RELN: variants seen among roughly 807,000 people sequenced by gnomAD.
The protein encoded by RELN is reelin.
In RELN, 108 loss-of-function variants were observed where a neutral mutation model predicts 427.6. The observed-to-expected ratio is 0.25, with a 90% CI of 0.22 to 0.30. The LOEUF (loss-of-function observed/expected upper bound fraction) is 0.30. Among genes scored for constraint, RELN ranks in the 10% least tolerant of loss-of-function variants. RELN has a pLI of 1.00. For synonymous variants in RELN, 1,524 were observed against 1,513.4 expected (o/e 1.01, Z -0.16); for missense variants, 3,715 against 4,302.8 (o/e 0.86, Z 3.82).
At chr7:103,879,272 C>A (rs1414334300) in intron 2 of RELN, among the ~76,000 whole-genome samples, 2 of 152,140 alleles carry the variant, frequency 1.3e-5, no homozygotes, top group Non-Finnish European at 2.9e-5. Context: ...TGAGCTAATA[C>A]ACACAAAGTG....
chr7:103,943,677 C>T (rs562109326), intron 1 of RELN, among the ~76,000 whole-genome samples: 1 of 151,742 alleles, frequency 6.6e-6, no homozygotes, highest in Non-Finnish European at 1.5e-5. Context: ...ATGGTGAAAC[C>T]CTGTCTCTAC....
chr7:103,866,553 A>G (rs1362313991), intron 2 of RELN, among the ~76,000 whole-genome samples: 1 of 152,134 alleles, frequency 6.6e-6, no homozygotes, highest in Non-Finnish European at 1.5e-5. Flanking sequence ...TTAGGTAATC[A>G]AAATAAATAA....
chr7:103,723,006 A>C, intron 8 of RELN, 134 bp downstream of exon 8: 2 of 656,204 alleles, frequency 3.0e-6, no homozygotes, highest in South Asian at 3.4e-5. Flanking sequence ...AAAATGTTGT[A>C]GATTATTTAC....
intron 9 of RELN, among the ~76,000 whole-genome samples, chr7:103,699,190 T>A (rs556665041): frequency 6.6e-6 from 1 of 152,152 alleles, no homozygotes; most frequent in Non-Finnish European, 1.5e-5. Flanking sequence ...TGCAAACTAG[T>A]GGTACACCCT....
chr7:103,878,836 C>T (rs570718407), intron 2 of RELN, among the ~76,000 whole-genome samples: 12 of 152,290 alleles, frequency 7.9e-5, no homozygotes, highest in African/African-American at 2.9e-4. Flanking sequence ...CTTCTGACTG[C>T]AGACCTAACC....
At chr7:103,785,245 GC>G (rs1226335511) in intron 3 of RELN, among the ~76,000 whole-genome samples, 1 of 151,978 alleles carries the variant, frequency 6.6e-6, no homozygotes, top group Non-Finnish European at 1.5e-5. Flanking sequence ...TATTTGAGAG[GC>G]TCTGCTGTTT....
intron 64 of RELN, among the ~76,000 whole-genome samples, chr7:103,476,148 A>ATGCCTAG (rs914193283): frequency 6.6e-6 from 1 of 152,152 alleles, no homozygotes; most frequent in Non-Finnish European, 1.5e-5. Context: ...CTTGCTATAG[A>ATGCCTAG]TGCCTAGTGT....
chr7:103,782,810 T>G (rs1395429430), intron 3 of RELN, among the ~76,000 whole-genome samples: 1 of 152,198 alleles, frequency 6.6e-6, no homozygotes, highest in Non-Finnish European at 1.5e-5. Context: ...TAGATTAACC[T>G]AAAGAATCAT....
chr7:103,879,823 A>T (rs137986057), intron 2 of RELN, among the ~76,000 whole-genome samples: 72 of 152,356 alleles, frequency 4.7e-4, no homozygotes, highest in African/African-American at 1.7e-3. Context: ...ATATGTGACA[A>T]CTAAAGCACT....
chr7:103,937,911 T>G (rs1796021968), intron 1 of RELN, among the ~76,000 whole-genome samples: 1 of 152,194 alleles, frequency 6.6e-6, no homozygotes, highest in Non-Finnish European at 1.5e-5. Flanking sequence ...AATAGAGATA[T>G]ATCTGACAAT....
intron 6 of RELN, among the ~76,000 whole-genome samples, chr7:103,740,867 G>A (rs586204): frequency 0.22 from 33,128 of 151,982 alleles, 4,732 homozygotes; most frequent in African/African-American, 0.41. Flanking sequence ...ATCCCAGGGG[G>A]AAAATATGCT....
Position 103,510,957 on chromosome 7 carries a change from C to G in RELN, c.8168G>C (p.Cys2723Ser), listed in dbSNP as rs1471838739. Reference sequence around the variant, plus strand: ...GAGCATCACACCATCAGGGGAGTCACAGAATCTTTCTACTGTACAATCATC... The same window carrying G: ...GAGCATCACACCATCAGGGGAGTCAGAGAATCTTTCTACTGTACAATCATC... ...FHDDCTVERFCDSPDGVMLCG... is the reference protein window; with the variant it reads ...FHDDCTVERFSDSPDGVMLCG... Residue 2723 changes from cysteine (C) to serine (S), a missense_variant, in exon 51 of 65, where the codon TGT becomes TCT. By Grantham distance (112) the Cys-to-Ser change is moderately radical. This residue lies in a region of RELN where 1,310 missense variants were observed against 1,643.0 expected (regional missense o/e 0.80). Transcript: ENST00000428762. 3 of 1,613,518 alleles carry G rather than the reference C, an allele frequency of 1.9e-6. No homozygotes were observed. The highest frequency in any genetic ancestry group is 2.7e-5 in the African/African-American group (2 of 75,034).
intron 46 of RELN, among the ~76,000 whole-genome samples, chr7:103,524,559 T>C (rs574191584): frequency 6.1e-4 from 93 of 152,204 alleles, no homozygotes; most frequent in African/African-American, 2.2e-3. Flanking sequence ...CTCAAGTGCA[T>C]TGAACATGAA....
chr7:103,796,875 C>CAAAA (rs1310087423), intron 3 of RELN, among the ~76,000 whole-genome samples: 305 of 62,982 alleles, frequency 4.8e-3, no homozygotes, highest in East Asian at 7.9e-3. Flanking sequence ...CTCCATCTCA[C>CAAAA]AAAAAAAAAA....
intron 1 of RELN, among the ~76,000 whole-genome samples, chr7:103,975,546 T>C (rs2116829553): frequency 6.7e-6 from 1 of 150,050 alleles, no homozygotes; most frequent in East Asian, 2.0e-4. Context: ...TATTTATTTA[T>C]TTATTTATTT....
intron 3 of RELN, among the ~76,000 whole-genome samples, chr7:103,790,322 T>TATA (rs999013404): frequency 1.3e-5 from 2 of 152,096 alleles, no homozygotes; most frequent in Admixed American, 6.6e-5. Context: ...ATTCCAGAAC[T>TATA]ATAATAATAA....
chr7:103,558,902 A>G (rs528382155), intron 36 of RELN, among the ~76,000 whole-genome samples: 63 of 152,302 alleles, frequency 4.1e-4, no homozygotes, highest in Middle Eastern at 3.4e-3. Context: ...CTCATCAACT[A>G]ACAAAGGCCA....
chr7:103,904,017 C>T (rs1483947812), intron 2 of RELN, among the ~76,000 whole-genome samples: 1 of 152,020 alleles, frequency 6.6e-6, no homozygotes, highest in African/African-American at 2.4e-5. Context: ...TCCCCACCCC[C>T]GACAGGCCCC....
chr7:103,723,627 G>C (rs1213245903), intron 7 of RELN, among the ~76,000 whole-genome samples: 1 of 152,130 alleles, frequency 6.6e-6, no homozygotes, highest in Non-Finnish European at 1.5e-5. Flanking sequence ...CAAATGAGTA[G>C]AATAAAATTA....
Sources: gnomAD v4.1 joint callset for allele counts (sites outside exome capture counted in the v4.1 genomes callset) on GRCh38, gnomAD v4.1.1 for gene constraint, gnomAD v4.1.1 regional missense constraint, MANE v1.5 for transcripts, NCBI Gene and HGNC (gene_info 2026-07-23, HGNC 2026-07-21) for gene names.